Variants in ADGRV1 observed in about 807,000 individuals in gnomAD.
ADGRV1 encodes G-protein coupled receptor 98.
ADGRV1 carries 359 observed loss-of-function variants against 596.2 expected under a neutral mutation model. That is an observed-to-expected ratio of 0.60 (90% CI 0.55 to 0.66). The LOEUF is 0.66. Ranked by LOEUF, ADGRV1 falls within the 30% of genes least tolerant of loss-of-function variation. The pLI, the probability that ADGRV1 is intolerant of heterozygous loss-of-function variation, is 0.00. For missense variants in ADGRV1, 7,274 were observed against 7,575.6 expected (o/e 0.96, Z 1.48); for synonymous variants, 2,681 against 2,679.2 (o/e 1.00, Z -0.02).
At chr5:90,930,309 G>T (rs3105792) in intron 83 of ADGRV1, among the ~76,000 whole-genome samples, 53,416 of 151,924 alleles carry the variant, frequency 0.35, 9,790 homozygotes, top group East Asian at 0.59. Flanking sequence ...CATATCATGA[G>T]TCCTTCCGGC....
At chr5:90,781,791 C>T (rs1333935002) in intron 65 of ADGRV1, among the ~76,000 whole-genome samples, 2 of 152,078 alleles carry the variant, frequency 1.3e-5, no homozygotes, top group Admixed American at 1.3e-4. Flanking sequence ...ATGTTAGGAA[C>T]AAGCCTGTCT....
intron 85 of ADGRV1, among the ~76,000 whole-genome samples, chr5:91,027,006 G>T (rs1295763073): frequency 6.6e-6 from 1 of 151,962 alleles, no homozygotes; most frequent in African/African-American, 2.4e-5. Flanking sequence ...GCCAGGTGTG[G>T]TGGTGCATGC....
intron 42 of ADGRV1, 114 bp downstream of exon 42, chr5:90,712,542 A>T: frequency 2.5e-6 from 2 of 794,882 alleles, no homozygotes; most frequent in Non-Finnish European, 3.9e-6. Flanking sequence ...TTAAAATGAG[A>T]ATGATTTTAA....
chr5:90,582,982 C>T (rs1202619189), intron 1 of ADGRV1, among the ~76,000 whole-genome samples: 2 of 152,106 alleles, frequency 1.3e-5, no homozygotes, highest in African/African-American at 4.8e-5. Flanking sequence ...TTGAAAACAT[C>T]ACTATAATAA....
chr5:91,059,849 A>C (rs1178673128), intron 85 of ADGRV1, among the ~76,000 whole-genome samples: 1 of 152,164 alleles, frequency 6.6e-6, no homozygotes. Flanking sequence ...TTAAGTTTCC[A>C]GTTTTAACTG....
intron 83 of ADGRV1, among the ~76,000 whole-genome samples, chr5:90,938,819 A>G (rs1027159854): frequency 2.6e-5 from 4 of 152,206 alleles, no homozygotes; most frequent in Non-Finnish European, 5.9e-5. Flanking sequence ...AAGTATTGGT[A>G]GGAAAAGTAA....
intron 83 of ADGRV1, among the ~76,000 whole-genome samples, chr5:90,953,773 A>G (rs149991426): frequency 5.9e-5 from 9 of 152,258 alleles, no homozygotes; most frequent in African/African-American, 2.2e-4. Flanking sequence ...TCTTTGTAAT[A>G]ATTGTTATAA....
intron 3 of ADGRV1, 107 bp from the exon 4 acceptor site, chr5:90,618,979 T>C: frequency 2.0e-6 from 1 of 492,588 alleles, no homozygotes; most frequent in Non-Finnish European, 3.5e-6. Flanking sequence ...CATATGTATT[T>C]TTATTATATT....
intron 89 of ADGRV1, among the ~76,000 whole-genome samples, chr5:91,162,979 G>T (rs923838501): frequency 3.9e-5 from 6 of 152,186 alleles, no homozygotes; most frequent in Non-Finnish European, 8.8e-5. Flanking sequence ...CATTGTGTGT[G>T]TGTAGAGAGG....
At chr5:91,103,344 G>A (rs1791559359) in intron 87 of ADGRV1, among the ~76,000 whole-genome samples, 1 of 151,728 alleles carries the variant, frequency 6.6e-6, no homozygotes, top group African/African-American at 2.4e-5. Context: ...ACTATTGCCA[G>A]GTGGTAAAGA....
At chr5:90,905,903 A>G (rs1209217593) in intron 83 of ADGRV1, among the ~76,000 whole-genome samples, 2 of 151,896 alleles carry the variant, frequency 1.3e-5, no homozygotes, top group African/African-American at 4.8e-5. Flanking sequence ...AGATGTTTTA[A>G]TTCTACATCC....
intron 20 of ADGRV1, among the ~76,000 whole-genome samples, chr5:90,656,747 T>A (rs1045432128): frequency 6.6e-6 from 1 of 152,180 alleles, no homozygotes; most frequent in African/African-American, 2.4e-5. Context: ...TGCTTGTACT[T>A]TTTTTTCCAG....
rs376898569 is a variant in ADGRV1, at chr5:90,614,925, A to G, written c.113A>G (p.Gln38Arg). 5 of 1,603,686 alleles carry G rather than the reference A, an allele frequency of 3.1e-6. No homozygotes were observed. In the African/African-American group the frequency reaches 6.7e-5, roughly 21 times the overall value. Reference sequence around the variant, plus strand: ...GAAACAGAAATAAGATTTACTGGACAAACTGAATTTGTTGTTAATGAAACA... The same window carrying G: ...GAAACAGAAATAAGATTTACTGGACGAACTGAATTTGTTGTTAATGAAACA... ...FGETEIRFTGQTEFVVNETST... is the reference protein window; with the variant it reads ...FGETEIRFTGRTEFVVNETST... The change falls in exon 2 of 90, where the codon CAA (glutamine) becomes CGA (arginine). Residue 38 changes from glutamine to arginine, a missense_variant. By Grantham distance (43) the Gln-to-Arg change is conservative (BLOSUM62 1). Transcript: ENST00000405460.
intron 55 of ADGRV1, among the ~76,000 whole-genome samples, chr5:90,756,233 A>T (rs1277874086): frequency 6.6e-6 from 1 of 152,176 alleles, no homozygotes; most frequent in Non-Finnish European, 1.5e-5. Flanking sequence ...GAGTGTGAAG[A>T]TTCCATTGAA....
chr5:90,890,915 A>G (rs1314003658), intron 83 of ADGRV1, among the ~76,000 whole-genome samples: 1 of 151,854 alleles, frequency 6.6e-6, no homozygotes, highest in Non-Finnish European at 1.5e-5. Context: ...AAAGTTGAAA[A>G]TCTTTTTAAA....
At chr5:90,921,393 A>G (rs1223359638) in intron 83 of ADGRV1, among the ~76,000 whole-genome samples, 3 of 151,402 alleles carry the variant, frequency 2.0e-5, no homozygotes, top group Non-Finnish European at 1.5e-5. Flanking sequence ...TAGCTGCACA[A>G]CCTCTCCCTA....
chr5:91,046,169 C>T lies in ADGRV1; in HGVS notation c.18153-26278C>T, dbSNP rs1437726145. On this transcript the variant is annotated intron_variant, in intron 85 of 89. Transcript: ENST00000405460. ...CTTCACAGAACTAGAAAAAACAATC[C>T]TAAAATTCATATGGAATCAAAAAAG... Among the ~76,000 whole-genome samples the T allele has an allele frequency of 9.2e-5, 14 of 151,882 alleles. 1 individual carries two copies. Among genetic ancestry groups the T allele is most frequent in the Admixed American group, 9.2e-4 (14 of 15,230 alleles).
rs558410946 is a variant in ADGRV1 at position 90,783,111 on chromosome 5, G to A, written c.13232-13G>A. 8 of 1,608,676 alleles carry A rather than the reference G, an allele frequency of 5.0e-6. No homozygotes were observed. The African/African-American group carries it at 9.3e-5, about 19-fold the overall frequency. On this transcript the variant is annotated splice_polypyrimidine_tract_variant and intron_variant, in intron 65 of 89. Transcript: ENST00000405460. ...TGTCTGGCTTACCAATTAATTCCAAGTTCCCATTACAGTGGAGGAAGATGT... is the reference window on the plus strand; with the variant it reads ...TGTCTGGCTTACCAATTAATTCCAAATTCCCATTACAGTGGAGGAAGATGT...
intron 87 of ADGRV1, among the ~76,000 whole-genome samples, chr5:91,142,047 A>G (rs1259694026): frequency 6.6e-6 from 1 of 152,200 alleles, no homozygotes; most frequent in African/African-American, 2.4e-5. Context: ...CACATGTTAC[A>G]TGTTGCAACA....
Sources: gnomAD v4.1 joint callset for allele counts (sites outside exome capture counted in the v4.1 genomes callset) on GRCh38, gnomAD v4.1.1 for gene constraint, MANE v1.5 for transcripts, NCBI Gene and HGNC (gene_info 2026-07-23, HGNC 2026-07-21) for gene names.